The following ALDH4A1 variants were observed in gnomAD, a reference collection of about 807,000 sequenced individuals.
ALDH4A1 encodes aldehyde dehydrogenase 4 family member A1.
ALDH4A1 carries 46 observed loss-of-function variants against 70.5 expected under a neutral mutation model. The ratio of observed to expected loss-of-function variants is 0.65; its 90% CI spans 0.51 to 0.83. ALDH4A1 has a LOEUF of 0.83. ALDH4A1 is among the 40% of genes least tolerant of loss of function. ALDH4A1 has a pLI of 0.00. For missense variants in ALDH4A1, 749 were observed against 766.5 expected, an observed-to-expected ratio of 0.98 and a Z score of 0.27; for synonymous variants, 323 against 324.3, an observed-to-expected ratio of 1.00 and a Z score of 0.04.
At chr1:18,895,872 A>G (rs2100608180) in intron 1 of ALDH4A1, among the ~76,000 whole-genome samples, 1 of 152,348 alleles carries the variant, frequency 6.6e-6, no homozygotes, top group Non-Finnish European at 1.5e-5. Context: ...ACCAAAGTTA[A>G]CATGAAAATC....
At position 18,898,955 on chromosome 1, in the gene ALDH4A1, T is replaced by C. The variant is rs1411564889; in HGVS notation, c.62+3507A>G. On this transcript the variant is annotated intron_variant, in intron 1 of 14. Transcript: ENST00000375341. This position sits in a 1 kb window ranked among gnomAD's most constrained non-coding sequence, Gnocchi z 4.3. ...ACAGAGCACGCATTCGGTACCAGCA[T>C]CCAGGAAACCACTGATCACATCACC... 6.6e-6 allele frequency among the ~76,000 whole-genome samples: 1 copy of C among 152,222 alleles called. No homozygotes were observed. Among genetic ancestry groups the C allele is most frequent in the Non-Finnish European group, 1.5e-5 (1 of 68,038 alleles).
intron 1 of ALDH4A1, 24 bp from the exon 2 acceptor site, chr1:18,890,129 G>T: frequency 6.3e-7 from 1 of 1,586,640 alleles, no homozygotes. Flanking sequence ...GCAGGGGACA[G>T]AGGCAGAGAG....
At position 18,875,537 on chromosome 1, in the gene ALDH4A1, G is replaced by A. The variant is rs760640219; in HGVS notation, c.1339-34C>T. 6.3e-5 allele frequency: 101 copies of A among 1,613,182 alleles called. No homozygotes were observed. The Middle Eastern group carries it at 6.7e-4, about 11-fold the overall frequency. ...GAGGCCCCGGCGTCAGACCCTCCAC[G>A]GGACCAGGGACCAGGGCCCTGAGCC... On this transcript the variant is annotated intron_variant, in intron 12 of 14. Transcript: ENST00000375341.
At chr1:18,901,393 C>T (rs1190079640) in intron 1 of ALDH4A1, among the ~76,000 whole-genome samples, 2 of 152,186 alleles carry the variant, frequency 1.3e-5, no homozygotes, top group Non-Finnish European at 2.9e-5. Context: ...TCAGGAAAGA[C>T]ACTGCCACTA....
At chr1:18,897,178 C>T (rs1557628966) in intron 1 of ALDH4A1, 1 of 471,078 alleles carries the variant, frequency 2.1e-6, no homozygotes. Flanking sequence ...GCATTTTGGA[C>T]TTTGGAACTT....
chr1:18,872,963 G>A lies in ALDH4A1; in HGVS notation c.1580-6C>T. The stretch of plus-strand genomic sequence containing the variant: ...CCCTGGCTTGTCATTGGTTCCTGCG[G>A]AAAAGACACTTCTGTTTTTCTCTGA... On this transcript the variant is annotated splice_polypyrimidine_tract_variant and splice_region_variant and intron_variant, in intron 14 of 14. Transcript: ENST00000375341. 1 of 1,611,720 alleles carries A rather than the reference G, an allele frequency of 6.2e-7. No homozygotes were observed.
Position 18,879,373 on chromosome 1 carries a change from G to T in ALDH4A1, c.867C>A (p.Pro289=). The T allele has an allele frequency of 1.2e-6, 2 of 1,610,360 alleles. No individual in the cohort carries two copies. The highest frequency in any genetic ancestry group is 1.7e-6 in the Non-Finnish European group (2 of 1,178,478). Residue 289 remains proline (P), a splice_region_variant and synonymous_variant, in exon 9 of 15, where the codon CCC becomes CCA. Transcript: ENST00000375341. ...LCGINFTGSV[P]TFKHLWKQVA... ...CCTGCTTCCACAGGTGTTTGAAGGTGCTGGAACCACAGGAGAAAGGGTGGG... is the reference window on the plus strand; with the variant it reads ...CCTGCTTCCACAGGTGTTTGAAGGTTCTGGAACCACAGGAGAAAGGGTGGG...
intron 7 of ALDH4A1, 126 bp downstream of exon 7, chr1:18,882,998 C>T: frequency 7.7e-7 from 1 of 1,295,978 alleles, no homozygotes; most frequent in Non-Finnish European, 1.1e-6. Flanking sequence ...CCCCAAGCTG[C>T]CTCCACCTTC....
chr1:18,886,349 G>A (rs554579959), intron 4 of ALDH4A1, 115 bp downstream of exon 4: 2 of 1,251,502 alleles, frequency 1.6e-6, no homozygotes, highest in South Asian at 2.4e-5. Context: ...ACCCACCATG[G>A]CCAAAGAAGG....
At chr1:18,889,906 T>G in intron 2 of ALDH4A1, 106 bp downstream of exon 2, 1 of 995,384 alleles carries the variant, frequency 1.0e-6, no homozygotes, top group East Asian at 2.7e-5. Flanking sequence ...GGAGCAAGGG[T>G]AGAAGCGGGT....
At chr1:18,886,343 A>G in intron 4 of ALDH4A1, 121 bp downstream of exon 4, 1 of 1,158,006 alleles carries the variant, frequency 8.6e-7, no homozygotes, top group Non-Finnish European at 1.3e-6. Context: ...CCACCTACCC[A>G]CCATGGCCAA....
rs778404343 is a variant in ALDH4A1, at chr1:18,872,874, C to T, written c.1663G>A (p.Gly555Arg). The change falls in exon 15 of 15, where the codon GGG (glycine) becomes AGG (arginine). Residue 555 changes from glycine to arginine, a missense_variant. Physicochemically the swap from Gly to Arg is moderately radical, Grantham distance 125. Transcript: ENST00000375341. Reference sequence around the variant, plus strand: ...TGCATGTACGCGTAGCTCCAGTCCCCCAGGGGCTTATGTGTCTCCTTGATG... The same window carrying T: ...TGCATGTACGCGTAGCTCCAGTCCCTCAGGGGCTTATGTGTCTCCTTGATG... ...QVIKETHKPL[G>R]DWSYAYMQ is the part of the protein sequence containing the mutation. 6.2e-7 allele frequency: 1 copy of T among 1,614,044 alleles called. No individual in the cohort carries two copies. The highest frequency in any genetic ancestry group is 1.1e-5 in the South Asian group (1 of 91,078).
intron 14 of ALDH4A1, 36 bp from the exon 15 acceptor site, chr1:18,872,993 A>G (rs35255325): frequency 0.23 from 358,357 of 1,563,600 alleles, 44,069 homozygotes; most frequent in Non-Finnish European, 0.26. Flanking sequence ...CTCTGAAAAG[A>G]TGCAACAGCC....
rs1369624606 is a variant in ALDH4A1 at position 18,876,273 on chromosome 1, G to GGA, written c.1338+40_1338+41dup. 3 of 1,608,810 alleles carry GGA rather than the reference G, an allele frequency of 1.9e-6. No homozygotes were observed. In the South Asian group the frequency reaches 3.3e-5, roughly 18 times the overall value. On this transcript the variant is annotated intron_variant, in intron 12 of 14. Transcript: ENST00000375341. Reference sequence around the variant, plus strand: ...ACTGTGTGTGTGCTGTGCTCCGGTGGGATTGTCCTCCTCTGGACCCCAGGC... The same window carrying GGA: ...ACTGTGTGTGTGCTGTGCTCCGGTGGGAGATTGTCCTCCTCTGGACCCCAGGC...
At chr1:18,894,400 A>G (rs1935544596) in intron 1 of ALDH4A1, among the ~76,000 whole-genome samples, 4 of 152,198 alleles carry the variant, frequency 2.6e-5, no homozygotes. Context: ...AAAATTAGCC[A>G]GACGTGGTGG....
At chr1:18,890,759 G>A (rs1935404516) in intron 1 of ALDH4A1, 2 of 985,516 alleles carry the variant, frequency 2.0e-6, no homozygotes, top group South Asian at 4.7e-5. Flanking sequence ...CATGCAAAGC[G>A]TTACTCTCCC....
intron 14 of ALDH4A1, 104 bp downstream of exon 14, chr1:18,874,359 C>T (rs1376217031): frequency 3.7e-6 from 4 of 1,094,356 alleles, no homozygotes; most frequent in Non-Finnish European, 5.5e-6. Context: ...AATAAGTGCT[C>T]AGTAAATGGT....
intron 1 of ALDH4A1, chr1:18,897,128 T>C (rs1935646185): frequency 1.9e-6 from 1 of 526,646 alleles, no homozygotes; most frequent in African/African-American, 1.9e-5. Flanking sequence ...CTGAAACTTT[T>C]TGAGTGTCAA....
At chr1:18,886,064 A>T (rs1242656710) in intron 4 of ALDH4A1, among the ~76,000 whole-genome samples, 1 of 151,658 alleles carries the variant, frequency 6.6e-6, no homozygotes. Context: ...CAGTTCCTGG[A>T]CCCCCAGCCA....
Sources: allele counts gnomAD v4.1 joint callset (sites outside exome capture counted in the v4.1 genomes callset), GRCh38; gene constraint gnomAD v4.1.1; non-coding constraint Gnocchi (gnomAD v3.1); transcripts MANE v1.5; gene names NCBI Gene and HGNC (gene_info 2026-07-23, HGNC 2026-07-21).